MICAL2: variants seen among roughly 807,000 people sequenced by gnomAD.
The protein encoded by MICAL2 is [F-actin]-monooxygenase MICAL2.
Under a neutral mutation model 127.3 loss-of-function variants are expected in MICAL2, and 77 were observed. The observed-to-expected ratio is 0.60, with a 90% confidence interval of 0.50 to 0.73. The LOEUF (loss-of-function observed/expected upper bound fraction) is 0.73, where lower values mean the gene tolerates loss of function less well. Ranked by LOEUF, MICAL2 falls within the 30% of genes least tolerant of loss-of-function variation. MICAL2 has a pLI of 0.00. For synonymous variants in MICAL2, 570 were observed against 551.1 expected (o/e 1.03, Z -0.48); for missense variants, 1,351 against 1,434.4 (o/e 0.94, Z 0.94).
chr11:12,168,793 C>T (rs1855865246), intron 3 of MICAL2, among the ~76,000 whole-genome samples: 1 of 151,712 alleles, frequency 6.6e-6, no homozygotes, highest in Non-Finnish European at 1.5e-5. Flanking sequence ...TGTGTTTTCA[C>T]TAGCTGAGGG....
chr11:12,257,850 C>T (rs7949042), intron 24 of MICAL2, among the ~76,000 whole-genome samples: 3 of 152,178 alleles, frequency 2.0e-5, no homozygotes, highest in South Asian at 2.1e-4. Flanking sequence ...GTCTGGAAGG[C>T]GCACAGTGGT....
chr11:12,157,313 T>C (rs144274364), intron 2 of MICAL2, among the ~76,000 whole-genome samples: 149 of 152,316 alleles, frequency 9.8e-4, no homozygotes, highest in African/African-American at 3.5e-3. Flanking sequence ...TCAGGGACTC[T>C]GCATAAACCT....
chr11:12,299,867 C>T (rs900010517), intron 29 of MICAL2, among the ~76,000 whole-genome samples: 1 of 152,194 alleles, frequency 6.6e-6, no homozygotes, highest in Non-Finnish European at 1.5e-5. Flanking sequence ...TGCCTCTTAT[C>T]ATCTTAGATT....
intron 3 of MICAL2, among the ~76,000 whole-genome samples, chr11:12,194,200 C>T (rs1859575831): frequency 6.6e-6 from 1 of 152,198 alleles, no homozygotes; most frequent in Non-Finnish European, 1.5e-5. Context: ...TGCCATTGTC[C>T]TCTCCCTCAC....
At chr11:12,293,558 T>A (rs1863930614), downstream of MICAL2, 6 of 1,596,600 alleles carry the variant, frequency 3.8e-6, no homozygotes, top group East Asian at 9.0e-5. Flanking sequence ...CCATCCCATC[T>A]AGATGACAGC....
chr11:12,136,537 C>T (rs1244092787), intron 1 of MICAL2, among the ~76,000 whole-genome samples: 2 of 152,060 alleles, frequency 1.3e-5, no homozygotes, highest in African/African-American at 4.8e-5. Context: ...AGTCAGGGTA[C>T]CTGGAGGGGG....
At chr11:12,283,851 G>A (rs1055009624) in intron 2 of MICAL2, among the ~76,000 whole-genome samples, 3 of 152,202 alleles carry the variant, frequency 2.0e-5, no homozygotes, top group Admixed American at 6.5e-5. Flanking sequence ...CACACCCTAT[G>A]TTATGGAGGC....
chr11:12,303,346 G>A (rs888319421), intron 29 of MICAL2, among the ~76,000 whole-genome samples: 3 of 152,166 alleles, frequency 2.0e-5, no homozygotes, highest in African/African-American at 4.8e-5. Flanking sequence ...AGTAGCCACT[G>A]TTTCATACTT....
chr11:12,274,547 A>G (rs1324304851), upstream of MICAL2: 2 of 152,308 alleles, frequency 1.3e-5, no homozygotes, highest in Non-Finnish European at 2.9e-5. Context: ...GTGACGTTCC[A>G]CCAAGGACTT....
intron 3 of MICAL2, among the ~76,000 whole-genome samples, chr11:12,182,682 C>T (rs1309964508): frequency 1.3e-5 from 2 of 152,142 alleles, no homozygotes; most frequent in African/African-American, 2.4e-5. Context: ...GTCCATTGTT[C>T]GAGTCAGAGG....
At chr11:12,129,718 A>T (rs1203393775) in intron 1 of MICAL2, among the ~76,000 whole-genome samples, 1 of 93,486 alleles carries the variant, frequency 1.1e-5, no homozygotes, top group African/African-American at 4.1e-5. Context: ...TGATTCATTT[A>T]TTTATATGAG....
chr11:12,279,107 G>C (rs4757330), intron 1 of MICAL2, among the ~76,000 whole-genome samples: 1 of 152,134 alleles, frequency 6.6e-6, no homozygotes, highest in Non-Finnish European at 1.5e-5. Context: ...AGTGGAGAAG[G>C]AGCTAGCAAA....
Position 12,242,343 on chromosome 11 carries a change from T to G in MICAL2, c.2467T>G (p.Phe823Val). 1.2e-6 allele frequency: 2 copies of G among 1,614,058 alleles called. No individual in the cohort carries two copies. The highest frequency in any genetic ancestry group is 1.7e-6 in the Non-Finnish European group (2 of 1,179,966). Residue 823 changes from phenylalanine (F) to valine (V), a missense_variant, in exon 19 of 28, where the codon TTC becomes GTC. Phe to Val is a conservative substitution (Grantham distance 50). This residue lies in a region of MICAL2 where 752 missense variants were observed against 719.4 expected (regional missense o/e 1.05). Coordinates refer to ENST00000683283, the MANE Select transcript of MICAL2 (RefSeq NM_001282663.2). ...CCTACAGCTGGGTGGGACAGAAAAT[T>G]TCGCTACCCTGCCTTCTACCCGCCC... ...SDLQLGGTEN[F>V]ATLPSTRPRA...
intron 3 of MICAL2, among the ~76,000 whole-genome samples, chr11:12,202,397 A>C (rs1854132934): frequency 6.6e-6 from 1 of 152,160 alleles, no homozygotes; most frequent in African/African-American, 2.4e-5. Context: ...TGAGCCAATT[A>C]AGCAGCTGCT....
rs1172994077 is a variant in MICAL2, at chr11:12,220,453, C to T, written c.1201C>T (p.Leu401Phe). ...CGTGGCCCTTGTGGGTGACAGCTTGCTTGAGGTACTGCCTGAGCTCGGAGC... is the reference window on the plus strand; with the variant it reads ...CGTGGCCCTTGTGGGTGACAGCTTGTTTGAGGTACTGCCTGAGCTCGGAGC... ...LLVALVGDSL[L>F]EPFWPMGTGC... is the part of the protein sequence containing the mutation. The change falls in exon 9 of 28, where the codon CTT becomes TTT. Residue 401 changes from leucine (L) to phenylalanine (F), a missense_variant. Coordinates refer to ENST00000683283, the MANE Select transcript of MICAL2 (RefSeq NM_001282663.2). 1.2e-6 allele frequency: 2 copies of T among 1,607,926 alleles called. No homozygotes were observed. Among genetic ancestry groups the T allele is most frequent in the East Asian group, 2.2e-5 (1 of 44,886 alleles).
chr11:12,214,028 TA>T (rs1418280500), intron 7 of MICAL2, among the ~76,000 whole-genome samples: 1 of 152,208 alleles, frequency 6.6e-6, no homozygotes, highest in Non-Finnish European at 1.5e-5. Context: ...GATGCTGTTC[TA>T]GGGCTTGAGA....
rs551030654 is a variant in MICAL2, at chr11:12,207,879, G to C, written c.473-144G>C. ...TAGATGAGAAAACACAGAGCTCTTG[G>C]TGCATAATCCCGCTCAGTAATGATC... On this transcript the variant is annotated intron_variant, in intron 4 of 27. Transcript: ENST00000683283. 7.7e-5 allele frequency: 51 copies of C among 658,162 alleles called. 1 individual carries two copies. Among genetic ancestry groups the C allele is most frequent in the Middle Eastern group, 2.9e-4 (1 of 3,466 alleles). The allele number at this position is 658,162 out of a possible 1,614,324, so 40.8% of individuals were successfully genotyped here. A position where few individuals can be genotyped will look rare whatever the true frequency, so the allele number is the denominator to read the frequency against.
intron 1 of MICAL2, among the ~76,000 whole-genome samples, chr11:12,127,298 C>A (rs1190182276): frequency 6.6e-6 from 1 of 152,190 alleles, no homozygotes; most frequent in African/African-American, 2.4e-5. Flanking sequence ...AGGCATTTTA[C>A]ATGTCTGCTC....
At chr11:12,270,112 G>C (rs1863657887) in intron 24 of MICAL2, among the ~76,000 whole-genome samples, 1 of 152,204 alleles carries the variant, frequency 6.6e-6, no homozygotes, top group African/African-American at 2.4e-5. Flanking sequence ...CCTTCCCAGA[G>C]CAATTGTGAC....
Sources: allele counts gnomAD v4.1 joint callset (sites outside exome capture counted in the v4.1 genomes callset), GRCh38; gene constraint gnomAD v4.1.1; regional missense constraint gnomAD v4.1.1; transcripts MANE v1.5; gene names NCBI Gene and HGNC (gene_info 2026-07-23, HGNC 2026-07-21).